The following NWD2 variants were observed in gnomAD, a reference collection of about 807,000 sequenced individuals.
NWD2 encodes the protein NACHT and WD repeat domain-containing protein 2.
NWD2 carries 37 observed loss-of-function variants against 132.7 expected under a neutral mutation model. The observed-to-expected ratio is 0.28, with a 90% CI of 0.21 to 0.37. The LOEUF (loss-of-function observed/expected upper bound fraction) is 0.37. NWD2 is among the 10% of genes least tolerant of loss of function. The probability of loss-of-function intolerance (pLI) is 1.00; values close to 1 mark genes in which losing one functional copy is unlikely to be tolerated. For missense variants in NWD2, 1,592 were observed against 2,122.4 expected (o/e 0.75, Z 4.91); for synonymous variants, 705 against 803.0 (o/e 0.88, Z 2.06).
At chr4:37,245,525 C>T (rs1172956754) in intron 1 of NWD2, among the ~76,000 whole-genome samples, 2 of 151,586 alleles carry the variant, frequency 1.3e-5, no homozygotes, top group Non-Finnish European at 2.9e-5. Flanking sequence ...CCGCCGCCGC[C>T]ACCACCACCT....
intron 1 of NWD2, among the ~76,000 whole-genome samples, chr4:37,320,609 C>T (rs140579054): frequency 2.1e-4 from 32 of 152,046 alleles, no homozygotes; most frequent in African/African-American, 6.8e-4. Context: ...TAGATGAGTA[C>T]AGAGGAATTA....
At chr4:37,417,660 A>G (rs943871601) in intron 3 of NWD2, among the ~76,000 whole-genome samples, 7 of 152,192 alleles carry the variant, frequency 4.6e-5, no homozygotes, top group African/African-American at 1.7e-4. Context: ...GCTTTTGTTG[A>G]TTAAATCATT....
chr4:37,445,174 T>C lies in NWD2; in HGVS notation c.3186T>C (p.Asn1062=), dbSNP rs534495451. The change falls in exon 7 of 7, where the codon AAT becomes AAC. Residue 1062 remains asparagine, a synonymous_variant. Transcript: ENST00000309447. The surrounding 1 kb of genome is among the most constrained non-coding windows in gnomAD (Gnocchi z 4.7). The part of the protein sequence containing the change: ...TKHGSSATYI[N]GFTLSANHAL... The stretch of plus-strand genomic sequence containing the variant: ...ATGGAAGCAGCGCCACCTACATCAA[T>C]GGATTTACACTGTCCGCCAACCACG... The C allele has an allele frequency of 1.7e-5, 27 of 1,551,986 alleles. No homozygotes were observed. In the East Asian group the frequency reaches 6.1e-4, roughly 35 times the overall value.
At chr4:37,432,451 G>A (rs1287172674) in intron 4 of NWD2, among the ~76,000 whole-genome samples, 1 of 151,232 alleles carries the variant, frequency 6.6e-6, no homozygotes, top group African/African-American at 2.4e-5. Flanking sequence ...AGTTTCACAT[G>A]ATCAATTCTC....
intron 1 of NWD2, among the ~76,000 whole-genome samples, chr4:37,270,519 C>T (rs187263282): frequency 2.0e-4 from 30 of 151,742 alleles, no homozygotes; most frequent in Non-Finnish European, 3.2e-4. Flanking sequence ...ATGGCTCCCA[C>T]GGAGAGGAAT....
In NWD2 at chr4:37,253,695, G is replaced by A. The variant is rs765774642; in HGVS notation, c.151+8477G>A. ...AGATATTCAGTATCAGAATACATCC[G>A]TAAGGTAAGTTCTTAGCACGGCCTT... On this transcript the variant is annotated intron_variant, in intron 1 of 6. Transcript: ENST00000309447. 5.3e-5 allele frequency among the ~76,000 whole-genome samples: 8 copies of A among 152,298 alleles called. No homozygotes were observed. In the South Asian group the frequency reaches 6.2e-4, roughly 12 times the overall value.
At chr4:37,365,010 T>C (rs964173990) in intron 3 of NWD2, among the ~76,000 whole-genome samples, 7 of 152,210 alleles carry the variant, frequency 4.6e-5, no homozygotes, top group Non-Finnish European at 8.8e-5. Context: ...TAACATTCTA[T>C]TTTTGTATAT....
intron 3 of NWD2, among the ~76,000 whole-genome samples, chr4:37,366,842 A>C (rs1720108865): frequency 6.6e-6 from 1 of 152,192 alleles, no homozygotes; most frequent in Non-Finnish European, 1.5e-5. Flanking sequence ...AAAATATAAA[A>C]ATCTTGACTA....
rs910839167 is a variant in NWD2 at position 37,388,626 on chromosome 4, GTTATATA to G, written c.357+32146_357+32152del. Among the ~76,000 whole-genome samples, 281 of 120,250 alleles carry G rather than the reference GTTATATA, an allele frequency of 2.3e-3. 1 individual carries two copies. Among genetic ancestry groups the G allele is most frequent in the Non-Finnish European group, 3.9e-3 (228 of 59,060 alleles). 78.9% of individuals were successfully genotyped at this position (120,250 alleles called of 152,430 possible). On this transcript the variant is annotated intron_variant, in intron 3 of 6. Transcript: ENST00000309447. ...TCTATTGTGGAAAATATATATTTAT[GTTATATA>G]TCATATATAAATATATATATCATAT...
intron 1 of NWD2, among the ~76,000 whole-genome samples, chr4:37,300,867 A>G (rs1718599129): frequency 6.6e-6 from 1 of 152,028 alleles, no homozygotes; most frequent in East Asian, 1.9e-4. Flanking sequence ...GTCCTTTTTA[A>G]CTCCACAAAT....
intron 3 of NWD2, among the ~76,000 whole-genome samples, chr4:37,374,516 A>G (rs1036199399): frequency 1.3e-5 from 2 of 152,216 alleles, no homozygotes; most frequent in African/African-American, 4.8e-5. Flanking sequence ...TATACATGAG[A>G]TGGTTTCTTG....
At chr4:37,427,901 C>G (rs1712052791) in intron 3 of NWD2, among the ~76,000 whole-genome samples, 1 of 152,216 alleles carries the variant, frequency 6.6e-6, no homozygotes, top group Non-Finnish European at 1.5e-5. Context: ...GCTCACAAAA[C>G]TGGTACCTTC....
At chr4:37,429,652 CT>C (rs1712116585) in intron 3 of NWD2, among the ~76,000 whole-genome samples, 1 of 152,184 alleles carries the variant, frequency 6.6e-6, no homozygotes, top group Non-Finnish European at 1.5e-5. Flanking sequence ...ATAACTTACC[CT>C]TTTCACTTAA....
intron 2 of NWD2, among the ~76,000 whole-genome samples, chr4:37,340,806 T>G (rs1197803002): frequency 1.3e-5 from 2 of 152,234 alleles, no homozygotes; most frequent in Non-Finnish European, 2.9e-5. Flanking sequence ...TGTGCATACA[T>G]TAACTTGTTC....
chr4:37,277,731 AC>A (rs1372921884), intron 1 of NWD2, among the ~76,000 whole-genome samples: 1 of 152,078 alleles, frequency 6.6e-6, no homozygotes, highest in Non-Finnish European at 1.5e-5. Flanking sequence ...TCTACTGACT[AC>A]TTTTTTCCTT....
chr4:37,415,702 TAAAAAA>T (rs10684720), intron 3 of NWD2, among the ~76,000 whole-genome samples: 1 of 118,400 alleles, frequency 8.4e-6, no homozygotes, highest in Non-Finnish European at 1.7e-5. Context: ...AGACTCCGTC[TAAAAAA>T]AAAAAAAAAA....
chr4:37,332,505 G>A (rs1055647432), intron 2 of NWD2, among the ~76,000 whole-genome samples: 4 of 149,556 alleles, frequency 2.7e-5, no homozygotes, highest in South Asian at 4.2e-4. Context: ...ATCACTTGCT[G>A]ACTAAAGAGC....
chr4:37,370,586 A>T (rs1043106860), intron 3 of NWD2, among the ~76,000 whole-genome samples: 2 of 152,192 alleles, frequency 1.3e-5, no homozygotes, highest in East Asian at 3.9e-4. Context: ...CTCCGGCTTG[A>T]ATCAGTTATA....
intron 2 of NWD2, among the ~76,000 whole-genome samples, chr4:37,354,803 C>T (rs1223381899): frequency 6.6e-6 from 1 of 152,122 alleles, no homozygotes; most frequent in Non-Finnish European, 1.5e-5. Context: ...TATTAATTTA[C>T]CAAAAGGTAC....
Sources: gnomAD v4.1 joint callset for allele counts (sites outside exome capture counted in the v4.1 genomes callset) on GRCh38, gnomAD v4.1.1 for gene constraint, Gnocchi (gnomAD v3.1) non-coding constraint, MANE v1.5 for transcripts, NCBI Gene and HGNC (gene_info 2026-07-23, HGNC 2026-07-21) for gene names.